IPO11: variants seen among roughly 807,000 people sequenced by gnomAD.
IPO11 encodes importin-11.
Under a neutral mutation model 143.2 loss-of-function variants are expected in IPO11, and 66 were observed. The observed-to-expected ratio is 0.46, with a 90% CI of 0.38 to 0.57. IPO11 has a LOEUF of 0.57. Among genes scored for constraint, IPO11 ranks in the 20% least tolerant of loss-of-function variants. The probability of loss-of-function intolerance (pLI) is 0.00; values close to 1 mark genes in which losing one functional copy is unlikely to be tolerated. For missense variants in IPO11, 1,026 were observed against 1,141.0 expected (o/e 0.90, Z 1.45); for synonymous variants, 385 against 377.8 (o/e 1.02, Z -0.22).
At chr5:62,476,545 G>T in intron 8 of IPO11, 138 bp from the exon 9 acceptor site, 1 of 875,134 alleles carries the variant, frequency 1.1e-6, no homozygotes, top group Middle Eastern at 3.7e-4. Context: ...TGTAAATCTT[G>T]GTATTGCTTT....
intron 3 of IPO11, among the ~76,000 whole-genome samples, chr5:62,445,666 G>A (rs901505631): frequency 1.3e-5 from 2 of 152,044 alleles, no homozygotes; most frequent in Non-Finnish European, 2.9e-5. Flanking sequence ...TTATAAAATA[G>A]GCTTTGTGTT....
At chr5:62,537,810 A>G (rs1742786710) in intron 24 of IPO11, among the ~76,000 whole-genome samples, 1 of 152,058 alleles carries the variant, frequency 6.6e-6, no homozygotes, top group Non-Finnish European at 1.5e-5. Flanking sequence ...ATACCTGTCT[A>G]TTAAAGATAT....
chr5:62,482,430 A>G (rs953168609), intron 9 of IPO11, among the ~76,000 whole-genome samples: 1 of 152,130 alleles, frequency 6.6e-6, no homozygotes, highest in South Asian at 2.1e-4. Context: ...ATTTAGTGCT[A>G]TAAATTTCCC....
chr5:62,554,503 C>T (rs1409531811), intron 26 of IPO11, among the ~76,000 whole-genome samples: 1 of 152,020 alleles, frequency 6.6e-6, no homozygotes, highest in Non-Finnish European at 1.5e-5. Context: ...TATGGATATC[C>T]AGTTTTTCTG....
intron 27 of IPO11, 51 bp from the exon 28 acceptor site, chr5:62,591,526 A>G (rs779091089): frequency 9.5e-7 from 1 of 1,055,198 alleles, no homozygotes; most frequent in Non-Finnish European, 1.4e-6. Flanking sequence ...AAAAACAAAA[A>G]GAATTAATCT....
At chr5:62,441,681 A>G (rs1744485310) in intron 2 of IPO11, among the ~76,000 whole-genome samples, 1 of 148,976 alleles carries the variant, frequency 6.7e-6, no homozygotes, top group African/African-American at 2.5e-5. Context: ...CACCCAGCTA[A>G]TTTTTTGTAT....
At chr5:62,417,946 C>T (rs1403864270) in intron 1 of IPO11, among the ~76,000 whole-genome samples, 2 of 152,086 alleles carry the variant, frequency 1.3e-5, no homozygotes. Flanking sequence ...TCCTCCAACT[C>T]TCCAACTATC....
intron 15 of IPO11, among the ~76,000 whole-genome samples, chr5:62,492,202 C>T (rs190106863): frequency 5.8e-4 from 89 of 152,186 alleles, no homozygotes; most frequent in African/African-American, 2.1e-3. Context: ...GGAATTTTAC[C>T]TTTCTGAGTT....
intron 26 of IPO11, among the ~76,000 whole-genome samples, chr5:62,559,465 T>G (rs996809033): frequency 1.3e-5 from 2 of 152,168 alleles, no homozygotes; most frequent in African/African-American, 2.4e-5. Flanking sequence ...CCTCTCAGAT[T>G]CTGCTGCTGC....
chr5:62,435,210 G>GTATATATATGTATATATATGTATATATA lies in IPO11; in HGVS notation c.-6-2063_-6-2062insATATATATGTATATATATGTATATATAT, dbSNP rs769669064. 1.1e-3 allele frequency among the ~76,000 whole-genome samples: 100 copies of GTATATATATGTATATATATGTATATATA among 92,312 alleles called. 6 individuals are homozygous for GTATATATATGTATATATATGTATATATA. The highest frequency in any genetic ancestry group is 6.3e-3 in the East Asian group (18 of 2,856). The allele number at this position is 92,312 out of a possible 152,430, so 60.6% of individuals were successfully genotyped here. A position where few individuals can be genotyped will look rare whatever the true frequency, so the allele number is the denominator to read the frequency against. ...TATATGTATATATATGTATATATAT[G>GTATATATATGTATATATATGTATATATA]TGTATATATATATATATCAGAGCAG... is the stretch of plus-strand genomic sequence containing the variant. On this transcript the variant is annotated intron_variant, in intron 1 of 29. Coordinates refer to ENST00000325324, the MANE Select transcript of IPO11 (RefSeq NM_016338.5).
intron 27 of IPO11, chr5:62,580,740 G>C: frequency 1.9e-6 from 3 of 1,551,358 alleles, no homozygotes; most frequent in Non-Finnish European, 2.6e-6. Flanking sequence ...TGATGGCCTG[G>C]CATAAAGTAA....
chr5:62,417,056 A>G (rs1279712503), intron 1 of IPO11, among the ~76,000 whole-genome samples: 4 of 151,892 alleles, frequency 2.6e-5, no homozygotes, highest in Admixed American at 2.6e-4. Context: ...CTTATCTGAA[A>G]TATACGCTCC....
chr5:62,603,637 G>A (rs753823480), intron 29 of IPO11, among the ~76,000 whole-genome samples: 5 of 152,162 alleles, frequency 3.3e-5, no homozygotes, highest in Non-Finnish European at 5.9e-5. Flanking sequence ...ATTTAAACAC[G>A]CCAGTTCACC....
intron 2 of IPO11, 125 bp from the exon 3 acceptor site, chr5:62,442,858 G>C: frequency 4.2e-6 from 1 of 235,424 alleles, no homozygotes; most frequent in Non-Finnish European, 7.2e-6. Flanking sequence ...GAGTGAAACT[G>C]TCTCAAAAAC....
At chr5:62,485,522 G>A (rs1320395982) in intron 12 of IPO11, 60 bp downstream of exon 12, 57 of 1,263,640 alleles carry the variant, frequency 4.5e-5, no homozygotes, top group Non-Finnish European at 6.3e-5. Flanking sequence ...AAAGCTCTTA[G>A]TAGAGAATGA....
Position 62,481,003 on chromosome 5 carries a change from C to T in IPO11, c.829-2098C>T, listed in dbSNP as rs1220561102. On this transcript the variant is annotated intron_variant, in intron 9 of 29. Transcript: ENST00000325324. ...TGATCTTGGGTCACTGCAAGCTCTGCTTCCTGGGTTCACACCATTCTCCTG... is the reference window on the plus strand; with the variant it reads ...TGATCTTGGGTCACTGCAAGCTCTGTTTCCTGGGTTCACACCATTCTCCTG... 2.2e-5 allele frequency among the ~76,000 whole-genome samples: 3 copies of T among 136,694 alleles called. No individual in the cohort carries two copies. In the East Asian group the frequency reaches 6.5e-4, roughly 30 times the overall value. The allele number at this position is 136,694 out of a possible 152,430, so 89.7% of individuals were successfully genotyped here.
At chr5:62,570,349 G>T (rs1479597210) in intron 27 of IPO11, among the ~76,000 whole-genome samples, 1 of 152,038 alleles carries the variant, frequency 6.6e-6, no homozygotes, top group Non-Finnish European at 1.5e-5. Flanking sequence ...GTATTTTGAG[G>T]TGTTTCTATC....
intron 29 of IPO11, among the ~76,000 whole-genome samples, chr5:62,620,648 T>G (rs926632589): frequency 6.6e-6 from 1 of 152,128 alleles, no homozygotes; most frequent in Non-Finnish European, 1.5e-5. Flanking sequence ...TCTAAAGACC[T>G]GGAGTCAATA....
intron 21 of IPO11, among the ~76,000 whole-genome samples, chr5:62,528,542 A>C (rs888941198): frequency 3.3e-5 from 5 of 152,018 alleles, no homozygotes; most frequent in Non-Finnish European, 7.4e-5. Context: ...TAAATGAAGG[A>C]GGCAAAAAGG....
Sources: allele counts gnomAD v4.1 joint callset (sites outside exome capture counted in the v4.1 genomes callset), GRCh38; gene constraint gnomAD v4.1.1; transcripts MANE v1.5; gene names NCBI Gene and HGNC (gene_info 2026-07-23, HGNC 2026-07-21).